CLGN: variants seen among roughly 807,000 people sequenced by gnomAD.
CLGN encodes the protein calmegin, also known as testis tissue sperm-binding protein Li 79P.
In CLGN, 62 loss-of-function variants were observed where a neutral mutation model predicts 79.1. The ratio of observed to expected loss-of-function variants is 0.78; its 90% CI spans 0.64 to 0.97. CLGN has a LOEUF of 0.97. Among genes scored for constraint, CLGN ranks in the 50% least tolerant of loss-of-function variants. The pLI, the probability that CLGN is intolerant of heterozygous loss-of-function variation, is 0.00. For synonymous variants in CLGN, 225 were observed against 224.7 expected, an observed-to-expected ratio of 1.00 and a Z score of -0.01; for missense variants, 647 against 715.5, an observed-to-expected ratio of 0.90 and a Z score of 1.09.
rs139598157 is a variant in CLGN, at chr4:140,410,843, CAG to C, written c.145-219_145-218del. Among the ~76,000 whole-genome samples, 274 of 152,018 alleles carry C rather than the reference CAG, an allele frequency of 1.8e-3. 8 individuals carry two copies. In the East Asian group the frequency reaches 0.049, roughly 27 times the overall value. ...ATGACAAAAATACTATACGTACAAA[CAG>C]TGGATACACTGACCCCTTCTAACAC... On this transcript the variant is annotated intron_variant, in intron 2 of 14. Coordinates refer to ENST00000325617, the MANE Select transcript of CLGN (RefSeq NM_004362.3).
rs1358280152 is a variant in CLGN at position 140,388,957 on chromosome 4, A to G, written c.*267T>C. The stretch of plus-strand genomic sequence containing the variant: ...CTGTACAAACCAAAACTATCTCCAA[A>G]CAACTAAAACTGTGTAACTTCTAAT... On this transcript the variant is annotated 3_prime_UTR_variant, in exon 15 of 15. Transcript: ENST00000325617. 8.2e-6 allele frequency: 3 copies of G among 367,962 alleles called. No homozygotes were observed. Among genetic ancestry groups the G allele is most frequent in the Admixed American group, 4.2e-5 (1 of 24,056 alleles). The allele number at this position is 367,962 out of a possible 1,614,324, so 22.8% of individuals were successfully genotyped here.
Position 140,412,971 on chromosome 4 carries a change from T to C in CLGN, c.108A>G (p.Glu36=). The change falls in exon 2 of 15, where the codon GAA becomes GAG. Residue 36 remains glutamate (E), a synonymous_variant. Coordinates refer to ENST00000325617, the MANE Select transcript of CLGN (RefSeq NM_004362.3). ...GTTCACTTTCATTAACATCAATTTC[T>C]TCTGAATTTTCTTCAAAGTCTTCCG... ...VETEDFEENS[E]EIDVNESELS... 1 of 1,613,536 alleles carries C rather than the reference T, an allele frequency of 6.2e-7. No individual in the cohort carries two copies.
Position 140,400,409 on chromosome 4 carries a change from A to G in CLGN, c.642T>C (p.Asp214=), listed in dbSNP as rs1246328089. The change falls in exon 7 of 15, where the codon GAT becomes GAC. Residue 214 remains aspartate (D), a synonymous_variant. Coordinates refer to ENST00000325617, the MANE Select transcript of CLGN (RefSeq NM_004362.3). ...CTGTAAAGAACTTTTTAAGGTCTAC[A>G]TCTGGAGGTTTGGCATGTTTCTCTT... ...VFEEKHAKPP[D]VDLKKFFTDR... is the part of the protein sequence containing the mutation. 3 of 1,613,442 alleles carry G rather than the reference A, an allele frequency of 1.9e-6. No homozygotes were observed. Among genetic ancestry groups the G allele is most frequent in the Admixed American group, 1.7e-5 (1 of 59,988 alleles).
intron 3 of CLGN, 148 bp from the exon 4 acceptor site, chr4:140,410,043 A>G: frequency 1.9e-6 from 1 of 534,046 alleles, no homozygotes; most frequent in Non-Finnish European, 3.3e-6. Flanking sequence ...CTAAATAAGG[A>G]TGCCTACACA....
At position 140,393,999 on chromosome 4, in the gene CLGN, C is replaced by T. The variant is rs564584207; in HGVS notation, c.1192G>A (p.Glu398Lys). The stretch of plus-strand genomic sequence containing the variant: ...GTCAGAAGAAATGGATGATCATCTT[C>T]GAAATAATCTGGATTAGGAATTTTT... The part of the protein sequence containing the change: ...PRKIPNPDYF[E>K]DDHPFLLTSF... Residue 398 changes from glutamate (E) to lysine (K), a missense_variant, in exon 11 of 15, where the codon GAA becomes AAA. By Grantham distance (56) the Glu-to-Lys change is moderately conservative. Coordinates refer to ENST00000325617, the MANE Select transcript of CLGN (RefSeq NM_004362.3). 52 of 1,613,518 alleles carry T rather than the reference C, an allele frequency of 3.2e-5. No homozygotes were observed. In the Middle Eastern group the frequency reaches 6.6e-4, roughly 20 times the overall value.
chr4:140,417,051 C>A (rs557901032), intron 1 of CLGN, among the ~76,000 whole-genome samples: 49 of 150,126 alleles, frequency 3.3e-4, no homozygotes, highest in Middle Eastern at 3.4e-3. Context: ...TCAATATACG[C>A]AAATCAATAA....
At chr4:140,411,473 A>G in intron 2 of CLGN, among the ~76,000 whole-genome samples, 1 of 152,218 alleles carries the variant, frequency 6.6e-6, no homozygotes, top group East Asian at 1.9e-4. Flanking sequence ...AAATTTGCCT[A>G]AAGTAATAGG....
rs992605973 is a variant in CLGN at position 140,401,753 on chromosome 4, C to T, written c.501+232G>A. On this transcript the variant is annotated intron_variant, in intron 6 of 14. Transcript: ENST00000325617. ...TATCACGTAGTTTTTGTCCTACAGA[C>T]ATGGTAAACTTTTTCATGTTGTTAA... 4.6e-5 allele frequency among the ~76,000 whole-genome samples: 7 copies of T among 152,138 alleles called. 1 individual carries two copies. In the South Asian group the frequency reaches 1.4e-3, roughly 31 times the overall value.
At chr4:140,396,889 A>ACG (rs1553944629) in intron 8 of CLGN, among the ~76,000 whole-genome samples, 6 of 60,068 alleles carry the variant, frequency 1.0e-4, no homozygotes, top group Non-Finnish European at 1.7e-4. Flanking sequence ...ATATATATAT[A>ACG]TGTATATATA....
At chr4:140,410,356 T>G (rs184717454) in intron 3 of CLGN, among the ~76,000 whole-genome samples, 197 bp downstream of exon 3, 1 of 152,162 alleles carries the variant, frequency 6.6e-6, no homozygotes, top group Admixed American at 6.5e-5. Flanking sequence ...TTAGTATATT[T>G]TCTTTGAATA....
chr4:140,395,830 G>GTAACAACCTA lies in CLGN; in HGVS notation c.1137_1138insTAGGTTGTTA (p.Pro380Ter). The GTAACAACCTA allele has an allele frequency of 6.7e-7, 1 of 1,493,710 alleles. No homozygotes were observed. The highest frequency in any genetic ancestry group is 2.3e-5 in the East Asian group (1 of 42,686). 92.5% of individuals were successfully genotyped at this position (1,493,710 alleles called of 1,614,324 possible). Reference sequence around the variant, plus strand: ...CAAGCGGTTGTTACCTGATAGTTAGGATTATCGACCAGTGGAGGTCTCCAT... The same window carrying GTAACAACCTA: ...CAAGCGGTTGTTACCTGATAGTTAGGTAACAACCTAATTATCGACCAGTGGAGGTCTCCAT... On this transcript the variant is annotated stop_gained and frameshift_variant, in exon 10 of 15. Transcript: ENST00000325617. LOFTEE classifies it high-confidence loss of function.
At chr4:140,412,263 G>A (rs538975400) in intron 2 of CLGN, among the ~76,000 whole-genome samples, 11 of 151,976 alleles carry the variant, frequency 7.2e-5, no homozygotes, top group African/African-American at 2.4e-4. Context: ...TATTCCCTTC[G>A]GCCCTTCAAA....
intron 1 of CLGN, among the ~76,000 whole-genome samples, chr4:140,413,404 A>T (rs1729251801): frequency 6.6e-6 from 1 of 152,218 alleles, no homozygotes; most frequent in African/African-American, 2.4e-5. Context: ...AGTGTGAGCG[A>T]CGCAGAAGAC....
At chr4:140,406,705 C>T (rs547615762) in intron 4 of CLGN, among the ~76,000 whole-genome samples, 1 of 152,294 alleles carries the variant, frequency 6.6e-6, no homozygotes, top group East Asian at 1.9e-4. Flanking sequence ...GTTAGGCCTT[C>T]TCTGTGTTAC....
At chr4:140,413,568 C>T (rs1729257880) in intron 1 of CLGN, among the ~76,000 whole-genome samples, 1 of 152,226 alleles carries the variant, frequency 6.6e-6, no homozygotes, top group African/African-American at 2.4e-5. Flanking sequence ...CAGGGAGTTC[C>T]CTTTCCGAGT....
At chr4:140,415,498 G>A (rs1303815069) in intron 1 of CLGN, among the ~76,000 whole-genome samples, 1 of 152,092 alleles carries the variant, frequency 6.6e-6, no homozygotes, top group African/African-American at 2.4e-5. Flanking sequence ...ATAAAAGGAT[G>A]GAGGAAGATC....
chr4:140,396,907 G>GTATATA (rs10640037), intron 8 of CLGN, among the ~76,000 whole-genome samples: 30 of 117,350 alleles, frequency 2.6e-4, no homozygotes, highest in East Asian at 1.2e-3. Context: ...ATATATATAT[G>GTATATA]TATATATATA....
In CLGN at chr4:140,396,152, C is replaced by G; in HGVS notation, c.938G>C (p.Gly313Ala). The G allele has an allele frequency of 1.2e-6, 2 of 1,614,126 alleles. No individual in the cohort carries two copies. The highest frequency in any genetic ancestry group is 1.7e-6 in the Non-Finnish European group (2 of 1,180,024). ...IEDSSVVKPA[G>A]WLDDEPKFIP... ...AAATTTTGGTTCATCATCAAGCCAG[C>G]CAGCAGGTTTAACAACACTTGAATC... is the stretch of plus-strand genomic sequence containing the variant. The change falls in exon 9 of 15, where the codon GGC (glycine) becomes GCC (alanine). Residue 313 changes from glycine (G) to alanine (A), a missense_variant. Gly to Ala is a moderately conservative substitution (Grantham distance 60, BLOSUM62 0). Transcript: ENST00000325617.
At chr4:140,414,077 C>A (rs1157447760) in intron 1 of CLGN, among the ~76,000 whole-genome samples, 3 of 152,242 alleles carry the variant, frequency 2.0e-5, no homozygotes, top group Non-Finnish European at 2.9e-5. Context: ...GAGGCACCCC[C>A]CAGCAGGGGC....
Sources: allele counts gnomAD v4.1 joint callset (sites outside exome capture counted in the v4.1 genomes callset), GRCh38; gene constraint gnomAD v4.1.1; transcripts MANE v1.5; gene names NCBI Gene and HGNC (gene_info 2026-07-23, HGNC 2026-07-21).